The following MAD1L1 variants were observed in gnomAD, a reference collection of about 807,000 sequenced individuals.
MAD1L1 encodes the protein mitotic spindle assembly checkpoint protein MAD1.
Under a neutral mutation model 96.9 loss-of-function variants are expected in MAD1L1, and 95 were observed. That is an observed-to-expected ratio of 0.98 (90% CI 0.83 to 1.16). MAD1L1 has a LOEUF of 1.16. Ranked by LOEUF, MAD1L1 falls within the 50% of genes most tolerant of loss-of-function variation. The pLI, the probability that MAD1L1 is intolerant of heterozygous loss-of-function variation, is 0.00. For synonymous variants in MAD1L1, 473 were observed against 396.6 expected, an observed-to-expected ratio of 1.19 and a Z score of -2.29; for missense variants, 1,007 against 954.4, an observed-to-expected ratio of 1.06 and a Z score of -0.73.
intron 15 of MAD1L1, among the ~76,000 whole-genome samples, chr7:1,969,306 C>T (rs769437235): frequency 3.3e-5 from 5 of 152,034 alleles, no homozygotes; most frequent in African/African-American, 7.2e-5. Flanking sequence ...CACTTGAACC[C>T]GGGAGGCAGA....
intron 16 of MAD1L1, among the ~76,000 whole-genome samples, chr7:1,954,634 G>A (rs146725583): frequency 4.6e-4 from 70 of 152,306 alleles, no homozygotes; most frequent in South Asian, 6.2e-4. Flanking sequence ...GGAGTTCCAC[G>A]GGGTCCGCCC....
intron 12 of MAD1L1, among the ~76,000 whole-genome samples, chr7:2,029,390 C>G (rs948808618): frequency 1.3e-5 from 2 of 152,120 alleles, no homozygotes; most frequent in South Asian, 4.1e-4. Flanking sequence ...ATCGGGAAGG[C>G]AGGGCTTTGG....
At chr7:1,853,718 T>G (rs1784097176) in intron 18 of MAD1L1, among the ~76,000 whole-genome samples, 1 of 152,140 alleles carries the variant, frequency 6.6e-6, no homozygotes, top group South Asian at 2.1e-4. Flanking sequence ...GCCTCCTTCC[T>G]GTCCCACCCT....
At chr7:2,225,721 G>A (rs1793858910) in intron 3 of MAD1L1, 171 bp from the exon 4 acceptor site, 1 of 666,280 alleles carries the variant, frequency 1.5e-6, no homozygotes, top group South Asian at 2.0e-5. Context: ...GGGAGGGGCA[G>A]GAAACGGGAA....
intron 11 of MAD1L1, among the ~76,000 whole-genome samples, chr7:2,071,334 C>T (rs1163840322): frequency 1.3e-5 from 2 of 152,240 alleles, no homozygotes; most frequent in Non-Finnish European, 1.5e-5. Context: ...CCAACCTGGC[C>T]ACCCTCAGCC....
At chr7:2,206,970 A>C (rs1036067369) in intron 10 of MAD1L1, among the ~76,000 whole-genome samples, 2 of 151,962 alleles carry the variant, frequency 1.3e-5, no homozygotes, top group Non-Finnish European at 2.9e-5. Context: ...AGTCCCAGCT[A>C]CTGGGGAGGC....
At chr7:1,904,099 T>C (rs4721179) in intron 17 of MAD1L1, among the ~76,000 whole-genome samples, 2,418 of 120,778 alleles carry the variant, frequency 0.02, 149 homozygotes, top group African/African-American at 0.058. Flanking sequence ...AAGACGCTCT[T>C]GCGGAACTCA....
chr7:2,108,946 G>A (rs987497908), intron 11 of MAD1L1, among the ~76,000 whole-genome samples: 32 of 152,228 alleles, frequency 2.1e-4, no homozygotes, highest in African/African-American at 5.1e-4. Context: ...GCGAGGGCTC[G>A]CAGGAAGAGC....
Position 1,831,021 on chromosome 7 carries a change from G to A in MAD1L1, c.1999-14793C>T, listed in dbSNP as rs1484549776. Among the ~76,000 whole-genome samples, 14 of 152,356 alleles carry A rather than the reference G, an allele frequency of 9.2e-5. No homozygotes were observed. The South Asian group carries it at 2.7e-3, about 30-fold the overall frequency. ...AGCACATTTTAACTATGAAGACGCA[G>A]TAGATTAAAAGTAACGTGAAGCAGA... On this transcript the variant is annotated intron_variant, in intron 18 of 18. Coordinates refer to ENST00000265854, the MANE Select transcript of MAD1L1 (RefSeq NM_001013836.2).
chr7:2,002,887 G>A (rs961318337), intron 13 of MAD1L1, among the ~76,000 whole-genome samples: 6 of 152,156 alleles, frequency 3.9e-5, no homozygotes, highest in Non-Finnish European at 4.4e-5. Flanking sequence ...TGCCCCTGCG[G>A]TTCCTACCTT....
chr7:2,024,427 C>T (rs1334116618), intron 12 of MAD1L1, among the ~76,000 whole-genome samples: 3 of 152,222 alleles, frequency 2.0e-5, no homozygotes, highest in Non-Finnish European at 2.9e-5. Context: ...TGCATACTTC[C>T]CCTGTGGGCT....
chr7:1,903,367 G>T (rs888649907), intron 17 of MAD1L1, among the ~76,000 whole-genome samples: 5 of 150,950 alleles, frequency 3.3e-5, no homozygotes, highest in East Asian at 3.9e-4. Flanking sequence ...ATGAAGCACT[G>T]TTCCAGGCAG....
In MAD1L1 at chr7:1,819,681, C is replaced by T. The variant is rs754018169; in HGVS notation, c.1999-3453G>A. On this transcript the variant is annotated intron_variant, in intron 18 of 18. Coordinates refer to ENST00000265854, the MANE Select transcript of MAD1L1 (RefSeq NM_001013836.2). ...TGAGCCGAGCCCCATGGTGTCCCAG[C>T]GGGCACGGACAAGAGGCACGGAGTG... Among the ~76,000 whole-genome samples the T allele has an allele frequency of 1.3e-3, 196 of 152,260 alleles. 2 individuals are homozygous for T. The highest frequency in any genetic ancestry group is 1.6e-3 in the Non-Finnish European group (112 of 68,006).
At chr7:2,063,277 G>A (rs1369178002) in intron 12 of MAD1L1, among the ~76,000 whole-genome samples, 1 of 152,260 alleles carries the variant, frequency 6.6e-6, no homozygotes, top group African/African-American at 2.4e-5. Flanking sequence ...TGATCCAAGA[G>A]TGGGCAGAGT....
At chr7:1,923,486 G>GGGCAACCCCGAGCTCTTCCGCCCCGGCAC (rs1562527703) in intron 17 of MAD1L1, among the ~76,000 whole-genome samples, 1 of 150,234 alleles carries the variant, frequency 6.7e-6, no homozygotes, top group South Asian at 2.1e-4. Context: ...CGCCCCGGCA[G>GGGCAACCCCGAGCTCTTCCGCCCCGGCAC]CCGGGCAACC....
chr7:2,112,875 A>G (rs76464935), intron 11 of MAD1L1, among the ~76,000 whole-genome samples: 4 of 151,982 alleles, frequency 2.6e-5, no homozygotes, highest in Non-Finnish European at 4.4e-5. Context: ...AAAAAAAAAA[A>G]GGCTTTAAAA....
At chr7:2,019,960 T>C (rs1355259552) in intron 12 of MAD1L1, among the ~76,000 whole-genome samples, 2 of 152,230 alleles carry the variant, frequency 1.3e-5, no homozygotes, top group Non-Finnish European at 2.9e-5. Flanking sequence ...CAGATTTTAA[T>C]TGGTGACATC....
chr7:2,149,832 G>A (rs547003981), intron 10 of MAD1L1, among the ~76,000 whole-genome samples: 24 of 152,330 alleles, frequency 1.6e-4, no homozygotes, highest in African/African-American at 4.8e-4. Flanking sequence ...AGCTCGGCCC[G>A]AGCCACATCT....
rs1245668501 is a variant in MAD1L1 at position 1,959,593 on chromosome 7, G to C, written c.1506-1874C>G. ...AAAGGCAGAGGTGGTACCTACAGAG[G>C]CACAAGGCGGGGTTCTCATGAGAAA... On this transcript the variant is annotated intron_variant, in intron 15 of 18. Transcript: ENST00000265854. Among the ~76,000 whole-genome samples, 3 of 152,308 alleles carry C rather than the reference G, an allele frequency of 2.0e-5. No individual in the cohort carries two copies. In the East Asian group the frequency reaches 5.8e-4, roughly 29 times the overall value.
Sources: allele counts gnomAD v4.1 joint callset (sites outside exome capture counted in the v4.1 genomes callset), GRCh38; gene constraint gnomAD v4.1.1; transcripts MANE v1.5; gene names NCBI Gene and HGNC (gene_info 2026-07-23, HGNC 2026-07-21).